Variants in RAD51B observed in about 807,000 individuals in gnomAD.
The protein encoded by RAD51B is RAD51 paralog B, also known as DNA repair protein RAD51 homolog 2.
RAD51B carries 38 observed loss-of-function variants against 42.2 expected under a neutral mutation model. That is an observed-to-expected ratio of 0.90 (90% confidence interval 0.70 to 1.18). RAD51B has a LOEUF of 1.18. RAD51B is among the 50% of genes most tolerant of loss of function. RAD51B has a pLI of 0.00. For missense variants in RAD51B, 373 were observed against 400.7 expected (o/e 0.93, Z 0.59); for synonymous variants, 154 against 145.2 (o/e 1.06, Z -0.43).
rs2084417991 is a variant in RAD51B at position 68,411,455 on chromosome 14, A to G, written c.885A>G (p.Ala295=). Residue 295 remains alanine (A), a synonymous_variant, in exon 9 of 11, where the codon GCA becomes GCG. Transcript: ENST00000471583. ...CTGGATCCAGCTGTGTGATAGCCGC[A>G]CTAGGAAATACCTGGAGTCACAGTG... ...GTSGSSCVIA[A]LGNTWSHSVN... 6.2e-7 allele frequency: 1 copy of G among 1,614,142 alleles called. No homozygotes were observed.
intron 4 of RAD51B, among the ~76,000 whole-genome samples, chr14:67,862,569 T>C (rs2042198649): frequency 6.6e-6 from 1 of 152,178 alleles, no homozygotes; most frequent in African/African-American, 2.4e-5. Flanking sequence ...TATTGAAAAA[T>C]GCAAGTAGTA....
intron 7 of RAD51B, among the ~76,000 whole-genome samples, chr14:67,974,771 T>C (rs985232128): frequency 6.6e-6 from 1 of 152,172 alleles, no homozygotes; most frequent in Non-Finnish European, 1.5e-5. Context: ...CATTCTCTTT[T>C]TATGGAAAAA....
At chr14:68,391,699 A>G (rs571588430) in intron 8 of RAD51B, among the ~76,000 whole-genome samples, 2 of 151,782 alleles carry the variant, frequency 1.3e-5, no homozygotes, top group Admixed American at 1.3e-4. Context: ...TATTCCTTTT[A>G]CCCTGTATGT....
chr14:68,434,876 A>G (rs1193707458), intron 9 of RAD51B, among the ~76,000 whole-genome samples: 2 of 152,178 alleles, frequency 1.3e-5, no homozygotes, highest in African/African-American at 4.8e-5. Context: ...CTATTCAGCC[A>G]TCTTGGAACC....
downstream of RAD51B, among the ~76,000 whole-genome samples, chr14:68,614,755 T>G (rs572741916): frequency 6.6e-6 from 1 of 152,380 alleles, no homozygotes; most frequent in Admixed American, 6.5e-5. Flanking sequence ...TGTTTATCTG[T>G]TCATCAGTTG....
chr14:68,649,033 C>T (rs573560695), intron 10 of RAD51B, among the ~76,000 whole-genome samples: 4 of 152,102 alleles, frequency 2.6e-5, no homozygotes, highest in African/African-American at 9.7e-5. Flanking sequence ...AGCAATGGAA[C>T]ATGAAGAGGT....
chr14:67,900,309 G>T (rs1157260414), intron 7 of RAD51B, among the ~76,000 whole-genome samples: 2 of 152,016 alleles, frequency 1.3e-5, no homozygotes, highest in African/African-American at 2.4e-5. Context: ...CAAACTTGTA[G>T]CTTAAGTCTT....
At chr14:67,829,506 T>G (rs958669400) in intron 3 of RAD51B, among the ~76,000 whole-genome samples, 9 of 152,320 alleles carry the variant, frequency 5.9e-5, no homozygotes, top group African/African-American at 1.9e-4. Context: ...CCTCCCAAAG[T>G]GCTGGGATTA....
chr14:67,876,991 G>T (rs1037975989), intron 5 of RAD51B, among the ~76,000 whole-genome samples: 2 of 152,112 alleles, frequency 1.3e-5, no homozygotes, highest in African/African-American at 4.8e-5. Flanking sequence ...CTTTAGAATG[G>T]TACTACCTCC....
intron 7 of RAD51B, among the ~76,000 whole-genome samples, chr14:68,240,152 T>G (rs572492590): frequency 6.6e-6 from 1 of 152,374 alleles, no homozygotes; most frequent in Admixed American, 6.5e-5. Flanking sequence ...TTATAAAGAC[T>G]GCCTTGGATC....
intron 7 of RAD51B, among the ~76,000 whole-genome samples, chr14:68,256,452 G>A (rs959073768): frequency 6.6e-6 from 1 of 152,150 alleles, no homozygotes; most frequent in African/African-American, 2.4e-5. Context: ...TTCAGTTGGG[G>A]AAGCTTCCAT....
chr14:68,480,675 AT>A (rs1192026376), downstream of RAD51B, among the ~76,000 whole-genome samples: 175 of 150,808 alleles, frequency 1.2e-3, no homozygotes, highest in African/African-American at 4.0e-3. Flanking sequence ...AAAAAAAAAA[AT>A]GTCTATATTG....
chr14:68,545,643 C>G (rs1353256902), intron 10 of RAD51B: 1 of 455,878 alleles, frequency 2.2e-6, no homozygotes, highest in East Asian at 6.9e-5. Flanking sequence ...GGGGACAGGG[C>G]ATGCCTATAG....
At chr14:68,593,352 T>C (rs1232478279) in intron 10 of RAD51B, among the ~76,000 whole-genome samples, 1 of 152,232 alleles carries the variant, frequency 6.6e-6, no homozygotes, top group Non-Finnish European at 1.5e-5. Context: ...AGGCCCATGA[T>C]GGGCTCTCTG....
chr14:67,845,614 G>A (rs185853712), intron 4 of RAD51B, among the ~76,000 whole-genome samples: 135 of 152,256 alleles, frequency 8.9e-4, no homozygotes, highest in Admixed American at 3.0e-3. Flanking sequence ...GCTGCAGTGA[G>A]CCATGATCAT....
At chr14:68,416,185 G>A (rs754516004) in intron 9 of RAD51B, among the ~76,000 whole-genome samples, 1 of 152,142 alleles carries the variant, frequency 6.6e-6, no homozygotes, top group African/African-American at 2.4e-5. Flanking sequence ...TTGCATCTTG[G>A]AAGTATTTCT....
chr14:68,012,434 A>G (rs1334489924), intron 7 of RAD51B, among the ~76,000 whole-genome samples: 1 of 151,672 alleles, frequency 6.6e-6, no homozygotes, highest in East Asian at 1.9e-4. Flanking sequence ...AAAGAATTTT[A>G]TATATATATA....
intron 10 of RAD51B, among the ~76,000 whole-genome samples, chr14:68,608,125 G>A (rs914694266): frequency 1.3e-5 from 2 of 152,176 alleles, no homozygotes; most frequent in African/African-American, 2.4e-5. Flanking sequence ...GACCACCCCA[G>A]GTGCAGCTGG....
chr14:68,364,758 T>G (rs2083106034), intron 8 of RAD51B, among the ~76,000 whole-genome samples: 1 of 152,216 alleles, frequency 6.6e-6, no homozygotes, highest in Non-Finnish European at 1.5e-5. Flanking sequence ...TTGCACGTAG[T>G]TCCAGTGTGA....
Sources: allele counts gnomAD v4.1 joint callset (sites outside exome capture counted in the v4.1 genomes callset), GRCh38; gene constraint gnomAD v4.1.1; transcripts MANE v1.5; gene names NCBI Gene and HGNC (gene_info 2026-07-23, HGNC 2026-07-21).